Variants in SUPT3H observed in about 807,000 individuals in gnomAD.
SUPT3H encodes transcription initiation protein SPT3 homolog.
A neutral mutation model predicts 44.3 loss-of-function variants in SUPT3H; 44 were observed. That is an observed-to-expected ratio of 0.99 (90% CI 0.78 to 1.28). The LOEUF (loss-of-function observed/expected upper bound fraction) is 1.28, where lower values mean the gene tolerates loss of function less well. Among genes scored for constraint, SUPT3H ranks in the 50% most tolerant of loss-of-function variants. SUPT3H has a pLI of 0.00. For missense variants in SUPT3H, 380 were observed against 387.1 expected, an observed-to-expected ratio of 0.98 and a Z score of 0.15; for synonymous variants, 124 against 125.6, an observed-to-expected ratio of 0.99 and a Z score of 0.09.
chr6:44,995,219 G>C (rs1221944867), intron 6 of SUPT3H, among the ~76,000 whole-genome samples: 1 of 151,888 alleles, frequency 6.6e-6, no homozygotes. Context: ...TTTATTGAGA[G>C]CATCTAATAG....
chr6:45,154,694 C>A (rs932042706), intron 2 of SUPT3H, among the ~76,000 whole-genome samples: 2 of 152,174 alleles, frequency 1.3e-5, no homozygotes, highest in Non-Finnish European at 2.9e-5. Context: ...CCCTAAAAAT[C>A]ATTTACTCCT....
chr6:45,119,233 G>C (rs1316423299), intron 2 of SUPT3H, among the ~76,000 whole-genome samples: 3 of 152,096 alleles, frequency 2.0e-5, no homozygotes, highest in Non-Finnish European at 4.4e-5. Context: ...TAGTTACATA[G>C]TTGTATAGTT....
At chr6:44,916,074 T>C (rs1402560097) in intron 10 of SUPT3H, among the ~76,000 whole-genome samples, 4 of 152,238 alleles carry the variant, frequency 2.6e-5, no homozygotes, top group African/African-American at 9.6e-5. Flanking sequence ...CTCATCTAGA[T>C]GTTTGAAACG....
chr6:44,982,899 T>A (rs768988393), intron 6 of SUPT3H, among the ~76,000 whole-genome samples: 7 of 152,214 alleles, frequency 4.6e-5, no homozygotes, highest in Non-Finnish European at 8.8e-5. Context: ...GATGCTCGTA[T>A]AGTGAATTAG....
chr6:45,300,245 G>A (rs79012711), intron 2 of SUPT3H, among the ~76,000 whole-genome samples: 3,970 of 152,202 alleles, frequency 0.026, 174 homozygotes, highest in African/African-American at 0.089. Flanking sequence ...TTTTAAATCC[G>A]ATTTCAGTTT....
chr6:45,144,081 G>A (rs1490032534), intron 2 of SUPT3H, among the ~76,000 whole-genome samples: 1 of 152,044 alleles, frequency 6.6e-6, no homozygotes, highest in African/African-American at 2.4e-5. Flanking sequence ...ATAAGTCCAG[G>A]AGCAGATGGA....
chr6:45,020,261 C>T (rs182956727), intron 4 of SUPT3H, among the ~76,000 whole-genome samples: 158 of 151,972 alleles, frequency 1.0e-3, no homozygotes, highest in Non-Finnish European at 1.8e-3. Flanking sequence ...AACATAGAGT[C>T]AGTATTTAGT....
At chr6:44,956,484 T>TAAAAAAAAAAAAAAAAA (rs1355247914) in intron 7 of SUPT3H, among the ~76,000 whole-genome samples, 4 of 2,722 alleles carry the variant, frequency 1.5e-3, no homozygotes, top group Non-Finnish European at 1.2e-3. Flanking sequence ...AAAAAAAAAA[T>TAAAAAAAAAAAAAAAAA]AAAAAAAAAA....
In SUPT3H at chr6:45,018,702, T is replaced by C. The variant is rs555303966; in HGVS notation, c.273+1844A>G. 3.3e-5 allele frequency among the ~76,000 whole-genome samples: 5 copies of C among 152,266 alleles called. No homozygotes were observed. In the East Asian group the frequency reaches 9.6e-4, roughly 29 times the overall value. On this transcript the variant is annotated intron_variant, in intron 4 of 10. Coordinates refer to ENST00000371459, the MANE Select transcript of SUPT3H (RefSeq NM_003599.4). ...TTGCATACCATGGATGAAGCCCACT[T>C]GATCATGGTGGATAAGCTTTTTGAT...
intron 3 of SUPT3H, among the ~76,000 whole-genome samples, chr6:45,081,054 C>T (rs1035062390): frequency 1.3e-5 from 2 of 150,052 alleles, no homozygotes; most frequent in East Asian, 2.0e-4. Context: ...TACATATATA[C>T]GTATATATGT....
At chr6:45,187,328 T>C (rs1814409554) in intron 2 of SUPT3H, among the ~76,000 whole-genome samples, 1 of 151,548 alleles carries the variant, frequency 6.6e-6, no homozygotes, top group Non-Finnish European at 1.5e-5. Flanking sequence ...GGCAGGAGAA[T>C]CGCTTGAACC....
intron 10 of SUPT3H, among the ~76,000 whole-genome samples, chr6:44,880,947 C>T (rs9472390): frequency 0.12 from 17,748 of 152,134 alleles, 1,231 homozygotes; most frequent in African/African-American, 0.19. Context: ...AAAGGAACAA[C>T]CAGTACCAGC....
intron 2 of SUPT3H, among the ~76,000 whole-genome samples, chr6:45,138,753 G>A: frequency 6.6e-6 from 1 of 151,994 alleles, no homozygotes; most frequent in East Asian, 1.9e-4. Flanking sequence ...TTTAGGGGGA[G>A]GTGAGTAATG....
intron 2 of SUPT3H, among the ~76,000 whole-genome samples, chr6:45,280,679 G>T (rs953504726): frequency 4.6e-5 from 7 of 152,142 alleles, no homozygotes; most frequent in African/African-American, 1.4e-4. Flanking sequence ...CTTGTAACAT[G>T]AACTGGTAAT....
chr6:44,941,991 C>T (rs1391879013), intron 9 of SUPT3H, among the ~76,000 whole-genome samples: 1 of 152,080 alleles, frequency 6.6e-6, no homozygotes, highest in Admixed American at 6.6e-5. Flanking sequence ...AGAATACAGA[C>T]ATAGACTGGG....
chr6:45,125,145 A>T (rs1239498094), intron 2 of SUPT3H, among the ~76,000 whole-genome samples: 1 of 152,182 alleles, frequency 6.6e-6, no homozygotes, highest in East Asian at 1.9e-4. Context: ...CTGTTGCTTT[A>T]AGTCACCCAG....
In SUPT3H at chr6:45,328,769, C is replaced by A. The variant is rs1441434124; in HGVS notation, c.101+36432G>T. ...CTTCAGCACAGTGACACCATGTCAG[C>A]AAAACTTCTTTTGGGGTAAGTGTTA... On this transcript the variant is annotated intron_variant, in intron 2 of 10. Coordinates refer to ENST00000371459, the MANE Select transcript of SUPT3H (RefSeq NM_003599.4). The A allele has an allele frequency of 9.9e-6, 16 of 1,611,900 alleles. No homozygotes were observed. The highest frequency in any genetic ancestry group is 1.3e-5 in the African/African-American group (1 of 74,760).
rs369849016 is a variant in SUPT3H at position 44,852,183 on chromosome 6, G to A, written c.913-22326C>T. ...AGAATCAATTATTTAAAGTATTTAA[G>A]CCAGAATTAGGCAAATGGGCACCTG... On this transcript the variant is annotated intron_variant, in intron 10 of 10. Transcript: ENST00000371459. Among the ~76,000 whole-genome samples, 280 of 152,260 alleles carry A rather than the reference G, an allele frequency of 1.8e-3. 1 individual carries two copies. Among genetic ancestry groups the A allele is most frequent in the African/African-American group, 6.3e-3 (260 of 41,544 alleles).
chr6:44,955,424 T>A (rs1467474662), intron 7 of SUPT3H: 2 of 152,416 alleles, frequency 1.3e-5, no homozygotes, highest in East Asian at 1.9e-4. Flanking sequence ...GTGGGCTGCA[T>A]GGGAGCTGGG....
Sources: gnomAD v4.1 joint callset for allele counts (sites outside exome capture counted in the v4.1 genomes callset) on GRCh38, gnomAD v4.1.1 for gene constraint, MANE v1.5 for transcripts, NCBI Gene and HGNC (gene_info 2026-07-23, HGNC 2026-07-21) for gene names.